Variants in RPGRIP1L observed in about 807,000 individuals in gnomAD.
RPGRIP1L encodes the protein protein fantom.
Under a neutral mutation model 160.4 loss-of-function variants are expected in RPGRIP1L, and 131 were observed. That is an observed-to-expected ratio of 0.82 (90% CI 0.71 to 0.94). The LOEUF is 0.94. RPGRIP1L is among the 40% of genes least tolerant of loss of function. RPGRIP1L has a pLI of 0.00. For synonymous variants in RPGRIP1L, 510 were observed against 515.8 expected (o/e 0.99, Z 0.15); for missense variants, 1,522 against 1,535.8 (o/e 0.99, Z 0.15).
intron 2 of RPGRIP1L, among the ~76,000 whole-genome samples, chr16:53,698,175 C>T (rs569591450): frequency 2.6e-5 from 4 of 152,104 alleles, no homozygotes; most frequent in South Asian, 4.1e-4. Flanking sequence ...GCAGCCGCCC[C>T]GTCTGAGAAG....
intron 22 of RPGRIP1L, among the ~76,000 whole-genome samples, chr16:53,627,428 C>T (rs566939664): frequency 1.3e-5 from 2 of 152,288 alleles, no homozygotes; most frequent in Admixed American, 6.5e-5. Flanking sequence ...TTCAATTCAA[C>T]TAGTCAGCCA....
chr16:53,686,673 C>G (rs747167217), intron 5 of RPGRIP1L, 97 bp from the exon 6 acceptor site: 3 of 1,302,236 alleles, frequency 2.3e-6, no homozygotes, highest in South Asian at 2.5e-5. Context: ...AAAGAGCAAG[C>G]AGAAGTTAAA....
In RPGRIP1L at chr16:53,672,928, C is replaced by A. The variant is rs745997546; in HGVS notation, c.971G>T (p.Cys324Phe). Reference protein sequence around the residue: ...NMQLKEQRLKCCSLEKQLHSM... With the variant: ...NMQLKEQRLKFCSLEKQLHSM... Reference sequence around the variant, plus strand: ...ATGTAATTGTTTCTCAAGACTGCAGCATTTTAAACGCTGCTCTTTAAGTTG... The same window carrying A: ...ATGTAATTGTTTCTCAAGACTGCAGAATTTTAAACGCTGCTCTTTAAGTTG... The change falls in exon 8 of 27, where the codon TGC becomes TTC. Residue 324 changes from cysteine (C) to phenylalanine (F), a missense_variant. By Grantham distance (205) the Cys-to-Phe change is radical. Coordinates refer to ENST00000647211, the MANE Select transcript of RPGRIP1L (RefSeq NM_015272.5). 1 of 1,612,942 alleles carries A rather than the reference C, an allele frequency of 6.2e-7. No homozygotes were observed. Among genetic ancestry groups the A allele is most frequent in the Admixed American group, 1.7e-5 (1 of 59,950 alleles).
At chr16:53,622,769 G>A (rs948928898) in intron 22 of RPGRIP1L, among the ~76,000 whole-genome samples, 2 of 147,260 alleles carry the variant, frequency 1.4e-5, no homozygotes, top group Admixed American at 6.8e-5. Context: ...GTGAAAACAC[G>A]TCTCTCCAAA....
chr16:53,609,219 GC>G (rs1963875760), intron 25 of RPGRIP1L, among the ~76,000 whole-genome samples: 1 of 152,120 alleles, frequency 6.6e-6, no homozygotes, highest in Non-Finnish European at 1.5e-5. Context: ...CTTCATAGTA[GC>G]TGGGACTACT....
rs1968106318 is a variant in RPGRIP1L, at chr16:53,664,930, C to T, written c.1183G>A (p.Ala395Thr). Reference protein sequence around the residue: ...LKVQIAQLETALKSDLTDKTE... With the variant: ...LKVQIAQLETTLKSDLTDKTE... Reference sequence around the variant, plus strand: ...TTGTCTGTTAAGTCAGACTTCAAGGCAGTCTCGAGCTGAGCAATCTGCACT... The same window carrying T: ...TTGTCTGTTAAGTCAGACTTCAAGGTAGTCTCGAGCTGAGCAATCTGCACT... Residue 395 changes from alanine (A) to threonine (T), a missense_variant, in exon 10 of 27, where the codon GCC becomes ACC. Transcript: ENST00000647211. The T allele has an allele frequency of 1.9e-6, 3 of 1,613,182 alleles. No homozygotes were observed. Among genetic ancestry groups the T allele is most frequent in the Non-Finnish European group, 1.7e-6 (2 of 1,179,856 alleles).
chr16:53,609,644 C>T (rs974210551), intron 25 of RPGRIP1L, among the ~76,000 whole-genome samples: 1 of 152,108 alleles, frequency 6.6e-6, no homozygotes, highest in African/African-American at 2.4e-5. Context: ...CCATCCTAGA[C>T]AGCCATGGCG....
intron 6 of RPGRIP1L, among the ~76,000 whole-genome samples, chr16:53,677,261 A>G (rs1969254706): frequency 6.6e-6 from 1 of 152,192 alleles, no homozygotes. Context: ...TATTTAGACA[A>G]CAGCAGTAAT....
intron 22 of RPGRIP1L, among the ~76,000 whole-genome samples, chr16:53,624,235 G>A (rs1053781851): frequency 6.6e-6 from 1 of 152,146 alleles, no homozygotes; most frequent in Non-Finnish European, 1.5e-5. Flanking sequence ...GAAGCTGCAG[G>A]TATTATTGCC....
Position 53,601,468 on chromosome 16 carries a change from C to T in RPGRIP1L, c.*608G>A, listed in dbSNP as rs1178682463. 6.5e-6 allele frequency: 1 copy of T among 152,866 alleles called. No individual in the cohort carries two copies. The highest frequency in any genetic ancestry group is 1.9e-4 in the East Asian group (1 of 5,198). 9.5% of individuals were successfully genotyped at this position (152,866 alleles called of 1,614,324 possible). On this transcript the variant is annotated 3_prime_UTR_variant, in exon 27 of 27. Coordinates refer to ENST00000647211, the MANE Select transcript of RPGRIP1L (RefSeq NM_015272.5). ...CATTGAATAAGTTGGTGCTAAGTTT[C>T]ATTCTTTATATTTAATTGATAGAAA...
intron 6 of RPGRIP1L, among the ~76,000 whole-genome samples, chr16:53,676,932 C>T (rs1204158835): frequency 1.3e-5 from 2 of 151,962 alleles, no homozygotes; most frequent in African/African-American, 4.8e-5. Flanking sequence ...TGTACCCGGC[C>T]GCAGTATGTT....
At chr16:53,682,960 T>G (rs1439314085) in intron 6 of RPGRIP1L, among the ~76,000 whole-genome samples, 5 of 152,176 alleles carry the variant, frequency 3.3e-5, no homozygotes, top group African/African-American at 1.2e-4. Flanking sequence ...ATAATGTCAC[T>G]AGACATATAG....
intron 26 of RPGRIP1L, among the ~76,000 whole-genome samples, chr16:53,603,212 G>A (rs1222756429): frequency 1.3e-5 from 2 of 152,366 alleles, no homozygotes; most frequent in Non-Finnish European, 1.5e-5. Flanking sequence ...ATGGGATGCC[G>A]ATTCAATACC....
chr16:53,656,966 G>A (rs913542014), intron 13 of RPGRIP1L, among the ~76,000 whole-genome samples: 3 of 152,174 alleles, frequency 2.0e-5, no homozygotes, highest in African/African-American at 7.2e-5. Context: ...TTGTGGCAGG[G>A]CATGGTGGCT....
In RPGRIP1L at chr16:53,696,313, T is replaced by A. The variant is rs778924614; in HGVS notation, c.86-18A>T. On this transcript the variant is annotated intron_variant, in intron 2 of 26. Transcript: ENST00000647211. Reference sequence around the variant, plus strand: ...TGAAGTTTCTGCAAAAATGCCAAGATAATTAATTGTGAGGTTACTTAAAAT... The same window carrying A: ...TGAAGTTTCTGCAAAAATGCCAAGAAAATTAATTGTGAGGTTACTTAAAAT... 6.2e-7 allele frequency: 1 copy of A among 1,613,350 alleles called. No homozygotes were observed. Among genetic ancestry groups the A allele is most frequent in the East Asian group, 2.2e-5 (1 of 44,826 alleles).
intron 26 of RPGRIP1L, among the ~76,000 whole-genome samples, chr16:53,602,964 T>A (rs1963460581): frequency 6.6e-6 from 1 of 152,152 alleles, no homozygotes; most frequent in Non-Finnish European, 1.5e-5. Flanking sequence ...TAGAAAAGAT[T>A]AAAATGGCAG....
At chr16:53,673,650 T>C (rs888688072) in intron 7 of RPGRIP1L, among the ~76,000 whole-genome samples, 1 of 152,164 alleles carries the variant, frequency 6.6e-6, no homozygotes, top group African/African-American at 2.4e-5. Flanking sequence ...AACCATAGCA[T>C]GCAATGCCTC....
intron 16 of RPGRIP1L, among the ~76,000 whole-genome samples, chr16:53,646,279 C>A (rs895186478): frequency 6.6e-6 from 1 of 152,066 alleles, no homozygotes; most frequent in African/African-American, 2.4e-5. Flanking sequence ...AAATGTTAAT[C>A]TGATGTTCTT....
In RPGRIP1L at chr16:53,675,005, T is replaced by C. The variant is rs1264347960; in HGVS notation, c.882+12A>G. 1.9e-6 allele frequency: 3 copies of C among 1,541,248 alleles called. No homozygotes were observed. Among genetic ancestry groups the C allele is most frequent in the Admixed American group, 3.3e-5 (2 of 59,816 alleles). On this transcript the variant is annotated intron_variant, in intron 7 of 26. Coordinates refer to ENST00000647211, the MANE Select transcript of RPGRIP1L (RefSeq NM_015272.5). ...CTCTGTAACATTGTAATAAAATAAATTATCACTGTACCTCTTGAAGCTGAA... is the reference window on the plus strand; with the variant it reads ...CTCTGTAACATTGTAATAAAATAAACTATCACTGTACCTCTTGAAGCTGAA...
Sources: allele counts gnomAD v4.1 joint callset (sites outside exome capture counted in the v4.1 genomes callset), GRCh38; gene constraint gnomAD v4.1.1; transcripts MANE v1.5; gene names NCBI Gene and HGNC (gene_info 2026-07-23, HGNC 2026-07-21).